CCDC148: variants seen among roughly 807,000 people sequenced by gnomAD.
CCDC148 encodes the protein coiled-coil domain containing 148.
Under a neutral mutation model 85.7 loss-of-function variants are expected in CCDC148, and 89 were observed. The ratio of observed to expected loss-of-function variants is 1.04; its 90% CI spans 0.87 to 1.24. The LOEUF (loss-of-function observed/expected upper bound fraction) is 1.24. Ranked by LOEUF, CCDC148 falls within the 50% of genes most tolerant of loss-of-function variation. The pLI, the probability that CCDC148 is intolerant of heterozygous loss-of-function variation, is 0.00. For synonymous variants in CCDC148, 230 were observed against 213.9 expected (o/e 1.08, Z -0.66); for missense variants, 692 against 671.7 (o/e 1.03, Z -0.33).
At chr2:158,328,544 G>C (rs1262707018) in intron 7 of CCDC148, among the ~76,000 whole-genome samples, 4 of 152,064 alleles carry the variant, frequency 2.6e-5, no homozygotes, top group African/African-American at 9.7e-5. Context: ...TGGGATGGCT[G>C]GGTCAAATGG....
At chr2:158,257,955 G>T (rs1689076041) in intron 9 of CCDC148, among the ~76,000 whole-genome samples, 1 of 151,790 alleles carries the variant, frequency 6.6e-6, no homozygotes. Flanking sequence ...AAAGAAACTG[G>T]ACTAAGGGTA....
At chr2:158,419,806 A>G (rs1686683764) in intron 1 of CCDC148, 1 of 152,214 alleles carries the variant, frequency 6.6e-6, no homozygotes, top group Non-Finnish European at 1.5e-5. Flanking sequence ...TCCTTTGTGA[A>G]AATATACAAT....
At chr2:158,402,120 A>G (rs528467493) in intron 1 of CCDC148, among the ~76,000 whole-genome samples, 63 of 152,188 alleles carry the variant, frequency 4.1e-4, no homozygotes, top group African/African-American at 1.5e-3. Context: ...AAGTACTTTC[A>G]TAGTTATCAT....
chr2:158,199,931 G>A (rs975814033), intron 11 of CCDC148, among the ~76,000 whole-genome samples: 1 of 152,188 alleles, frequency 6.6e-6, no homozygotes, highest in Non-Finnish European at 1.5e-5. Context: ...TTAATCAAAT[G>A]TTCAGGTGAA....
rs1281311081 is a variant in CCDC148, at chr2:158,342,179, G to A, written c.252-1499C>T. On this transcript the variant is annotated intron_variant, in intron 3 of 13. Coordinates refer to ENST00000283233, the MANE Select transcript of CCDC148 (RefSeq NM_138803.4). ...CAAGTAGCTGGGACTACAGGTGCGCGCCACCATGCCTGGCTAATTTTTGTA... is the reference window on the plus strand; with the variant it reads ...CAAGTAGCTGGGACTACAGGTGCGCACCACCATGCCTGGCTAATTTTTGTA... Among the ~76,000 whole-genome samples the A allele has an allele frequency of 7.3e-5, 11 of 151,498 alleles. No homozygotes were observed. In the East Asian group the frequency reaches 7.8e-4, roughly 11 times the overall value.
intron 10 of CCDC148, among the ~76,000 whole-genome samples, chr2:158,239,288 TTCTC>T (rs144758960): frequency 2.0e-5 from 3 of 149,036 alleles, no homozygotes; most frequent in Admixed American, 6.7e-5. Flanking sequence ...TATCCAGGCT[TTCTC>T]TCTCTCTCTC....
chr2:158,389,936 G>T (rs1685237256), intron 1 of CCDC148, among the ~76,000 whole-genome samples: 1 of 152,118 alleles, frequency 6.6e-6, no homozygotes, highest in Non-Finnish European at 1.5e-5. Flanking sequence ...AGAAAAGAAA[G>T]ATTATATTGG....
intron 1 of CCDC148, among the ~76,000 whole-genome samples, chr2:158,373,413 G>C (rs1047696317): frequency 1.3e-5 from 2 of 152,002 alleles, no homozygotes; most frequent in Non-Finnish European, 2.9e-5. Flanking sequence ...ATAGGAAACT[G>C]ATATGCTCTT....
At chr2:158,344,418 AAAGTT>A (rs1559085335) in intron 3 of CCDC148, among the ~76,000 whole-genome samples, 2 of 152,180 alleles carry the variant, frequency 1.3e-5, no homozygotes, top group Non-Finnish European at 2.9e-5. Context: ...AGTCAAAAGT[AAAGTT>A]AATGGCATTT....
intron 1 of CCDC148, among the ~76,000 whole-genome samples, chr2:158,381,155 T>C (rs1684854355): frequency 1.3e-5 from 2 of 152,102 alleles, no homozygotes; most frequent in Non-Finnish European, 2.9e-5. Context: ...AAAGACACCA[T>C]TAAGGGAGTG....
intron 10 of CCDC148, among the ~76,000 whole-genome samples, chr2:158,230,553 T>C (rs1424734890): frequency 2.0e-5 from 3 of 152,130 alleles, no homozygotes; most frequent in Non-Finnish European, 4.4e-5. Context: ...AGAAGCGAGA[T>C]TGGAGAGCTG....
At chr2:158,345,470 A>T (rs112074368) in intron 2 of CCDC148, 152 bp from the exon 3 acceptor site, 3 of 543,410 alleles carry the variant, frequency 5.5e-6, no homozygotes, top group Admixed American at 3.6e-5. Flanking sequence ...TACCTAAAAT[A>T]AATTTGATTT....
chr2:158,182,362 G>A (rs1684945858), intron 11 of CCDC148, among the ~76,000 whole-genome samples: 1 of 152,006 alleles, frequency 6.6e-6, no homozygotes, highest in Non-Finnish European at 1.5e-5. Context: ...GAGGATAAGT[G>A]GTCCTAAGAT....
rs80187367 is a variant in CCDC148 at position 158,244,267 on chromosome 2, T to C, written c.1251+6505A>G. Among the ~76,000 whole-genome samples the C allele has an allele frequency of 9.4e-3, 1,425 of 152,308 alleles. 26 individuals carry two copies. The highest frequency in any genetic ancestry group is 0.032 in the African/African-American group (1,350 of 41,564). On this transcript the variant is annotated intron_variant, in intron 10 of 13. Coordinates refer to ENST00000283233, the MANE Select transcript of CCDC148 (RefSeq NM_138803.4). ...ATACTAAAATCTGTATTAGTTTTTT[T>C]TAAATCGTTGTTGTATAAAAATTGC...
chr2:158,226,394 C>T (rs1422771913), intron 10 of CCDC148, among the ~76,000 whole-genome samples: 2 of 152,178 alleles, frequency 1.3e-5, no homozygotes, highest in Non-Finnish European at 2.9e-5. Flanking sequence ...GAGCCGGTAC[C>T]ATTCTTTCTG....
chr2:158,432,228 A>G (rs1574810866), intron 1 of CCDC148, among the ~76,000 whole-genome samples: 1 of 150,084 alleles, frequency 6.7e-6, no homozygotes, highest in African/African-American at 2.5e-5. Flanking sequence ...AAAAAAGATG[A>G]TGAAAATAAA....
At chr2:158,427,599 G>A (rs535741227) in intron 1 of CCDC148, among the ~76,000 whole-genome samples, 259 of 152,216 alleles carry the variant, frequency 1.7e-3, no homozygotes, top group African/African-American at 6.0e-3. Context: ...ACCAGGTATG[G>A]TGGCTCATAC....
At position 158,379,381 on chromosome 2, in the gene CCDC148, A is replaced by C. The variant is rs540488545; in HGVS notation, c.26-20811T>G. Among the ~76,000 whole-genome samples the C allele has an allele frequency of 7.9e-5, 12 of 152,244 alleles. No individual in the cohort carries two copies. In the East Asian group the frequency reaches 2.3e-3, roughly 29 times the overall value. Reference sequence around the variant, plus strand: ...GCAAAGAAACTGGTTTCTGGAGATGAAATCTATACCTGGTGAAGATGCTTG... The same window carrying C: ...GCAAAGAAACTGGTTTCTGGAGATGCAATCTATACCTGGTGAAGATGCTTG... On this transcript the variant is annotated intron_variant, in intron 1 of 13. Transcript: ENST00000283233.
At chr2:158,293,202 A>C (rs1690975414) in intron 9 of CCDC148, among the ~76,000 whole-genome samples, 1 of 152,160 alleles carries the variant, frequency 6.6e-6, no homozygotes, top group South Asian at 2.1e-4. Context: ...GGAGATGAGC[A>C]CTAGGAAGAC....
Sources: allele counts gnomAD v4.1 joint callset (sites outside exome capture counted in the v4.1 genomes callset), GRCh38; gene constraint gnomAD v4.1.1; transcripts MANE v1.5; gene names NCBI Gene and HGNC (gene_info 2026-07-23, HGNC 2026-07-21).